Variants in CSTF3 observed in about 807,000 individuals in gnomAD.
The protein encoded by CSTF3 is CF-1 77 kDa subunit.
Under a neutral mutation model 105.8 loss-of-function variants are expected in CSTF3, and 29 were observed. That is an observed-to-expected ratio of 0.27 (90% CI 0.20 to 0.37). CSTF3 has a LOEUF of 0.37. Among genes scored for constraint, CSTF3 ranks in the 10% least tolerant of loss-of-function variants. CSTF3 has a pLI of 1.00. For missense variants in CSTF3, 357 were observed against 879.3 expected, an observed-to-expected ratio of 0.41 and a Z score of 7.51; for synonymous variants, 252 against 281.9, an observed-to-expected ratio of 0.89 and a Z score of 1.06.
At chr11:33,096,700 TAC>T (rs2133772655) in intron 14 of CSTF3, 133 bp downstream of exon 14, 2 of 805,906 alleles carry the variant, frequency 2.5e-6, no homozygotes, top group East Asian at 5.4e-5. Flanking sequence ...CATAAAATTT[TAC>T]ACAGATACAC....
intron 1 of CSTF3, among the ~76,000 whole-genome samples, chr11:33,148,706 A>AC (rs1201751542): frequency 2.6e-5 from 4 of 151,816 alleles, no homozygotes; most frequent in Non-Finnish European, 5.9e-5. Flanking sequence ...AAAAAAAAAA[A>AC]AACTATGCTC....
At chr11:33,095,284 C>T (rs1855208360) in intron 15 of CSTF3, among the ~76,000 whole-genome samples, 1 of 152,228 alleles carries the variant, frequency 6.6e-6, no homozygotes, top group Admixed American at 6.5e-5. Context: ...GTGATCACAG[C>T]TCACTGTGAC....
chr11:33,160,770 A>G (rs1849930164), intron 1 of CSTF3, among the ~76,000 whole-genome samples: 1 of 152,206 alleles, frequency 6.6e-6, no homozygotes, highest in Non-Finnish European at 1.5e-5. Flanking sequence ...TGGCTAAAAG[A>G]AAAGAAAACG....
chr11:33,088,213 C>CTT (rs10645811), intron 17 of CSTF3, among the ~76,000 whole-genome samples: 19,096 of 151,510 alleles, frequency 0.13, 3,008 homozygotes, highest in African/African-American at 0.38. Context: ...CCCCAAAAAA[C>CTT]AAAAGAGTAG....
At chr11:33,103,263 C>G (rs904870059) in intron 8 of CSTF3, 79 bp from the exon 9 acceptor site, 1 of 602,412 alleles carries the variant, frequency 1.7e-6, no homozygotes, top group Non-Finnish European at 2.7e-6. Context: ...TATTCATTTA[C>G]TAAATAACTT....
rs1284817531 is a variant in CSTF3 at position 33,141,742 on chromosome 11, T to C, written c.150A>G (p.Ala50=). The part of the protein sequence containing the change: ...REAQNQPIDK[A]RKTYERLVAQ... ...CAACAAGGCGTTCATAAGTCTTCCG[T>C]GCTTTGTCTATAGGTTGATTCTAAA... Residue 50 remains alanine (A), a synonymous_variant, in exon 3 of 21, where the codon GCA becomes GCG. Transcript: ENST00000323959. 1.2e-6 allele frequency: 2 copies of C among 1,602,632 alleles called. No homozygotes were observed. Among genetic ancestry groups the C allele is most frequent in the South Asian group, 2.3e-5 (2 of 88,658 alleles).
intron 3 of CSTF3, among the ~76,000 whole-genome samples, chr11:33,127,966 G>A (rs1172501212): frequency 6.6e-6 from 1 of 152,094 alleles, no homozygotes; most frequent in Non-Finnish European, 1.5e-5. Context: ...CAAAAGGGGG[G>A]AAAACTTTCC....
At chr11:33,122,175 A>T (rs187190493) in intron 3 of CSTF3, among the ~76,000 whole-genome samples, 216 of 152,322 alleles carry the variant, frequency 1.4e-3, no homozygotes, top group African/African-American at 5.1e-3. Context: ...TTGAAAACCA[A>T]ATTCTATAAA....
At chr11:33,123,022 C>T (rs2133788034) in intron 3 of CSTF3, among the ~76,000 whole-genome samples, 1 of 149,704 alleles carries the variant, frequency 6.7e-6, no homozygotes, top group South Asian at 2.1e-4. Context: ...TATCTCAGAA[C>T]ATATTTATCA....
At chr11:33,113,682 CCTTT>C (rs1855403115) in intron 3 of CSTF3, among the ~76,000 whole-genome samples, 1 of 152,024 alleles carries the variant, frequency 6.6e-6, no homozygotes, top group South Asian at 2.1e-4. Context: ...TCTTCAACTT[CCTTT>C]TTTTTAATAG....
intron 1 of CSTF3, among the ~76,000 whole-genome samples, 179 bp downstream of exon 1, chr11:33,161,120 A>G (rs1057428478): frequency 6.6e-6 from 1 of 152,092 alleles, no homozygotes; most frequent in Non-Finnish European, 1.5e-5. Context: ...AAGAGAGAGA[A>G]GTAAAAAAAA....
chr11:33,112,069 C>T (rs1487983957), intron 3 of CSTF3, among the ~76,000 whole-genome samples: 2 of 152,114 alleles, frequency 1.3e-5, no homozygotes, highest in South Asian at 2.1e-4. Flanking sequence ...GCCTGGCCAA[C>T]GTGATGAAAC....
intron 3 of CSTF3, among the ~76,000 whole-genome samples, chr11:33,123,095 T>C (rs1855509299): frequency 6.6e-6 from 1 of 151,914 alleles, no homozygotes; most frequent in Non-Finnish European, 1.5e-5. Flanking sequence ...ATTATTTAAA[T>C]GTTTTATCAA....
intron 12 of CSTF3, 126 bp from the exon 13 acceptor site, chr11:33,098,890 A>G (rs1165812005): frequency 4.5e-6 from 6 of 1,331,408 alleles, no homozygotes; most frequent in Admixed American, 2.6e-5. Flanking sequence ...TAAATATAGT[A>G]TAAGCTGACA....
At chr11:33,124,367 T>C (rs965935988) in intron 3 of CSTF3, among the ~76,000 whole-genome samples, 1 of 152,138 alleles carries the variant, frequency 6.6e-6, no homozygotes, top group African/African-American at 2.4e-5. Flanking sequence ...AAAGGGTTAT[T>C]ATAAACATTT....
chr11:33,127,132 C>T (rs1290048207), intron 3 of CSTF3, among the ~76,000 whole-genome samples: 4 of 152,056 alleles, frequency 2.6e-5, no homozygotes, highest in African/African-American at 9.7e-5. Flanking sequence ...TCAAGGAGGC[C>T]AGTGTGACTA....
Position 33,161,423 on chromosome 11 carries a change from C to T in CSTF3, c.-98G>A. ...ACCCCCAAATCAGTAAAGTTACCCC[C>T]TGCCCAGCTGAGCCAGACCGCCAAC... On this transcript the variant is annotated 5_prime_UTR_variant, in exon 1 of 21. Transcript: ENST00000323959. The T allele has an allele frequency of 1.5e-6, 2 of 1,353,448 alleles. No individual in the cohort carries two copies. Among genetic ancestry groups the T allele is most frequent in the Middle Eastern group, 1.8e-4 (1 of 5,570 alleles). 83.8% of individuals were successfully genotyped at this position (1,353,448 alleles called of 1,614,324 possible). A position where few individuals can be genotyped will look rare whatever the true frequency, so the allele number is the denominator to read the frequency against.
In CSTF3 at chr11:33,161,411, T is replaced by C. The variant is rs1849941975; in HGVS notation, c.-86A>G. The C allele has an allele frequency of 3.4e-6, 5 of 1,458,654 alleles. No individual in the cohort carries two copies. The highest frequency in any genetic ancestry group is 3.8e-6 in the Non-Finnish European group (4 of 1,051,292). 90.4% of individuals were successfully genotyped at this position (1,458,654 alleles called of 1,614,324 possible). On this transcript the variant is annotated 5_prime_UTR_variant, in exon 1 of 21. Coordinates refer to ENST00000323959, the MANE Select transcript of CSTF3 (RefSeq NM_001326.3). ...AAACTAAAAACCACCCCCAAATCAGTAAAGTTACCCCCTGCCCAGCTGAGC... is the reference window on the plus strand; with the variant it reads ...AAACTAAAAACCACCCCCAAATCAGCAAAGTTACCCCCTGCCCAGCTGAGC...
intron 3 of CSTF3, among the ~76,000 whole-genome samples, chr11:33,114,399 T>G (rs1195738541): frequency 6.6e-6 from 1 of 152,204 alleles, no homozygotes; most frequent in Non-Finnish European, 1.5e-5. Context: ...AATAAAACTC[T>G]ATGTCAACAG....
Sources: gnomAD v4.1 joint callset for allele counts (sites outside exome capture counted in the v4.1 genomes callset) on GRCh38, gnomAD v4.1.1 for gene constraint, MANE v1.5 for transcripts, NCBI Gene and HGNC (gene_info 2026-07-23, HGNC 2026-07-21) for gene names.